Variants in MAP3K21 observed in about 807,000 individuals in gnomAD.
MAP3K21 encodes mitogen-activated protein kinase kinase kinase MLK4.
In MAP3K21, 63 loss-of-function variants were observed where a neutral mutation model predicts 86.1. The ratio of observed to expected loss-of-function variants is 0.73; its 90% CI spans 0.60 to 0.90. The LOEUF is 0.90. MAP3K21 is among the 40% of genes least tolerant of loss of function. The pLI is 0.00. For missense variants in MAP3K21, 1,220 were observed against 1,367.7 expected, an observed-to-expected ratio of 0.89 and a Z score of 1.70; for synonymous variants, 558 against 564.8, an observed-to-expected ratio of 0.99 and a Z score of 0.17.
At chr1:233,334,602 T>TTGC (rs1662877871) in intron 1 of MAP3K21, among the ~76,000 whole-genome samples, 1 of 150,682 alleles carries the variant, frequency 6.6e-6, no homozygotes, top group Non-Finnish European at 1.5e-5. Flanking sequence ...AGGGTTTTTT[T>TTGC]GGGGGGGAAG....
At chr1:233,358,491 A>C (rs1208555648) in intron 4 of MAP3K21, among the ~76,000 whole-genome samples, 2 of 100,486 alleles carry the variant, frequency 2.0e-5, no homozygotes, top group Non-Finnish European at 2.3e-5. Flanking sequence ...TTTTTTTAAC[A>C]CTTCCCCAAA....
chr1:233,353,909 G>A lies in MAP3K21; in HGVS notation c.1089G>A (p.Leu363=), dbSNP rs192258109. ...GGGTAGCAGTCAATAAACTCACTTT[G>A]CCCATTCCATCCACCTGCCCTGAGC... ...AYGVAVNKLT[L]PIPSTCPEPF... The change falls in exon 3 of 10, where the codon TTG becomes TTA. Residue 363 remains leucine, a synonymous_variant. Coordinates refer to ENST00000366624, the MANE Select transcript of MAP3K21 (RefSeq NM_032435.3). 6.2e-7 allele frequency: 1 copy of A among 1,612,888 alleles called. No individual in the cohort carries two copies. The highest frequency in any genetic ancestry group is 2.2e-5 in the East Asian group (1 of 44,818).
chr1:233,358,183 G>A (rs1026450193), intron 4 of MAP3K21, among the ~76,000 whole-genome samples: 3 of 151,912 alleles, frequency 2.0e-5, no homozygotes, highest in Non-Finnish European at 4.4e-5. Context: ...TCAGGGCTTG[G>A]GCGGGGCTTA....
At position 233,354,637 on chromosome 1, in the gene MAP3K21, G is replaced by T. The variant is rs868165967; in HGVS notation, c.1136-199G>T. 4.6e-5 allele frequency among the ~76,000 whole-genome samples: 7 copies of T among 152,286 alleles called. No homozygotes were observed. The South Asian group carries it at 6.2e-4, about 14-fold the overall frequency. ...AATGGTCATTATTATGCATGCCTGTGACATGGACACTATGTAAAATAAACT... is the reference window on the plus strand; with the variant it reads ...AATGGTCATTATTATGCATGCCTGTTACATGGACACTATGTAAAATAAACT... On this transcript the variant is annotated intron_variant, in intron 3 of 9. Coordinates refer to ENST00000366624, the MANE Select transcript of MAP3K21 (RefSeq NM_032435.3).
chr1:233,334,604 G>C (rs59242019), intron 1 of MAP3K21, among the ~76,000 whole-genome samples: 118,081 of 151,858 alleles, frequency 0.78, 46,169 homozygotes, highest in East Asian at 0.99. Context: ...GGTTTTTTTG[G>C]GGGGGAAGGA....
At chr1:233,338,390 C>T (rs1662956222) in intron 1 of MAP3K21, among the ~76,000 whole-genome samples, 1 of 152,080 alleles carries the variant, frequency 6.6e-6, no homozygotes, top group African/African-American at 2.4e-5. Context: ...CAAATTCCTC[C>T]CTTAAGGATC....
At chr1:233,376,706 C>T (rs553617803) in intron 8 of MAP3K21, among the ~76,000 whole-genome samples, 179 bp downstream of exon 8, 51 of 152,282 alleles carry the variant, frequency 3.3e-4, no homozygotes, top group African/African-American at 1.2e-3. Context: ...GTATTTATGG[C>T]AGGAAGTAAT....
chr1:233,327,740 A>C lies in MAP3K21; in HGVS notation c.-289A>C. ...GGGTGGGGCGTCCCAGGCTCTGGCT[A>C]AGGAGCGCGCGGCGGGCGGGCCGGC... On this transcript the variant is annotated 5_prime_UTR_variant, in exon 1 of 10. Coordinates refer to ENST00000366624, the MANE Select transcript of MAP3K21 (RefSeq NM_032435.3). The C allele has an allele frequency of 5.8e-5, 13 of 223,352 alleles. No homozygotes were observed. The highest frequency in any genetic ancestry group is 1.4e-3 in the Middle Eastern group (1 of 710). The allele number at this position is 223,352 out of a possible 1,614,324, so 13.8% of individuals were successfully genotyped here. A position where few individuals can be genotyped will look rare whatever the true frequency, so the allele number is the denominator to read the frequency against.
intron 2 of MAP3K21, among the ~76,000 whole-genome samples, chr1:233,349,681 G>C (rs1663212175): frequency 6.6e-6 from 1 of 152,210 alleles, no homozygotes; most frequent in Non-Finnish European, 1.5e-5. Flanking sequence ...GCTCATGCCT[G>C]TAATCCCAAC....
intron 5 of MAP3K21, among the ~76,000 whole-genome samples, chr1:233,363,599 G>C (rs1051278020): frequency 6.6e-6 from 1 of 151,990 alleles, no homozygotes; most frequent in Non-Finnish European, 1.5e-5. Flanking sequence ...CTACTCGGGA[G>C]GCTGAGGCGG....
chr1:233,343,046 A>G (rs550892235), intron 1 of MAP3K21, among the ~76,000 whole-genome samples: 19 of 152,280 alleles, frequency 1.2e-4, no homozygotes, highest in Admixed American at 6.5e-5. Context: ...TACTTACCTA[A>G]TAAGCCCCTA....
At chr1:233,353,408 G>A (rs1318391062) in intron 2 of MAP3K21, among the ~76,000 whole-genome samples, 1 of 152,104 alleles carries the variant, frequency 6.6e-6, no homozygotes, top group African/African-American at 2.4e-5. Context: ...GTGCTCTTTG[G>A]TGTCCTAATA....
intron 1 of MAP3K21, among the ~76,000 whole-genome samples, chr1:233,330,672 T>C (rs907139520): frequency 6.6e-6 from 1 of 152,218 alleles, no homozygotes; most frequent in Non-Finnish European, 1.5e-5. Context: ...ATTCTGCAAA[T>C]GTATCCAAAT....
In MAP3K21 at chr1:233,328,210, G is replaced by A. The variant is rs865985024; in HGVS notation, c.182G>A (p.Arg61His). The part of the protein sequence containing the change: ...ARGEDELSLR[R>H]GQLVEVLSQD... ...GGCGAGGACGAGCTGAGCCTGCGGCGCGGCCAGCTGGTGGAGGTGCTGTCG... is the reference window on the plus strand; with the variant it reads ...GGCGAGGACGAGCTGAGCCTGCGGCACGGCCAGCTGGTGGAGGTGCTGTCG... The change falls in exon 1 of 10, where the codon CGC (arginine) becomes CAC (histidine). Residue 61 changes from arginine (R) to histidine (H), a missense_variant. Arg to His is a conservative substitution (Grantham distance 29, BLOSUM62 0). Around this residue, in one of 5 missense-constraint regions of MAP3K21, gnomAD observed 369 missense variants for 385.3 expected, o/e 0.96. Coordinates refer to ENST00000366624, the MANE Select transcript of MAP3K21 (RefSeq NM_032435.3). The surrounding 1 kb of genome is among the most constrained non-coding windows in gnomAD (Gnocchi z 8.7). 6.7e-7 allele frequency: 1 copy of A among 1,488,144 alleles called. No homozygotes were observed. Among genetic ancestry groups the A allele is most frequent in the Admixed American group, 2.2e-5 (1 of 44,478 alleles). The allele number at this position is 1,488,144 out of a possible 1,614,324, so 92.2% of individuals were successfully genotyped here.
At chr1:233,357,685 C>T (rs1663390597) in intron 4 of MAP3K21, among the ~76,000 whole-genome samples, 1 of 152,128 alleles carries the variant, frequency 6.6e-6, no homozygotes, top group African/African-American at 2.4e-5. Flanking sequence ...ATGGGGGAGC[C>T]TGGGAGTCCA....
At chr1:233,375,668 C>A in intron 6 of MAP3K21, 1 of 489,334 alleles carries the variant, frequency 2.0e-6, no homozygotes, top group Non-Finnish European at 3.6e-6. Context: ...AAAAAGTAAT[C>A]AAATCTTTGC....
intron 4 of MAP3K21, among the ~76,000 whole-genome samples, chr1:233,355,897 T>G (rs1663343829): frequency 6.6e-6 from 1 of 152,188 alleles, no homozygotes; most frequent in African/African-American, 2.4e-5. Flanking sequence ...CTTCTCCTTC[T>G]AAAATGCAAA....
At chr1:233,367,859 C>CAAAA (rs5781742) in intron 5 of MAP3K21, among the ~76,000 whole-genome samples, 2 of 122,014 alleles carry the variant, frequency 1.6e-5, no homozygotes, top group African/African-American at 3.2e-5. Flanking sequence ...GACTCCGTCT[C>CAAAA]AAAAAAAAAA....
rs996325208 is a variant in MAP3K21 at position 233,378,911 on chromosome 1, G to A, written c.1925-20G>A. Reference sequence around the variant, plus strand: ...GCTGTAAAATGATACTACAGTGTATGTACTTATACCTTTATTTAGGGTCCT... The same window carrying A: ...GCTGTAAAATGATACTACAGTGTATATACTTATACCTTTATTTAGGGTCCT... On this transcript the variant is annotated intron_variant, in intron 8 of 9. Coordinates refer to ENST00000366624, the MANE Select transcript of MAP3K21 (RefSeq NM_032435.3). 3.2e-6 allele frequency: 5 copies of A among 1,554,570 alleles called. No homozygotes were observed. The African/African-American group carries it at 6.9e-5, about 21-fold the overall frequency.
Sources: gnomAD v4.1 joint callset for allele counts (sites outside exome capture counted in the v4.1 genomes callset) on GRCh38, gnomAD v4.1.1 for gene constraint, gnomAD v4.1.1 regional missense constraint, Gnocchi (gnomAD v3.1) non-coding constraint, MANE v1.5 for transcripts, NCBI Gene and HGNC (gene_info 2026-07-23, HGNC 2026-07-21) for gene names.